The following STAB2 variants were observed in gnomAD, a reference collection of about 807,000 sequenced individuals.
STAB2 encodes stabilin-2.
Under a neutral mutation model 338.1 loss-of-function variants are expected in STAB2, and 288 were observed. The observed-to-expected ratio is 0.85, with a 90% CI of 0.77 to 0.94. The LOEUF is 0.94. Ranked by LOEUF, STAB2 falls within the 40% of genes least tolerant of loss-of-function variation. The probability of loss-of-function intolerance (pLI) is 0.00; values close to 1 mark genes in which losing one functional copy is unlikely to be tolerated. For missense variants in STAB2, 3,141 were observed against 3,210.1 expected (o/e 0.98, Z 0.52); for synonymous variants, 1,202 against 1,193.3 (o/e 1.01, Z -0.15).
intron 3 of STAB2, among the ~76,000 whole-genome samples, chr12:103,613,535 A>G (rs1170840867): frequency 6.6e-6 from 1 of 152,158 alleles, no homozygotes; most frequent in Non-Finnish European, 1.5e-5. Context: ...GACCACTGGA[A>G]AAGCGCAGTA....
At chr12:103,627,589 T>A (rs1957400054) in intron 5 of STAB2, among the ~76,000 whole-genome samples, 1 of 152,238 alleles carries the variant, frequency 6.6e-6, no homozygotes, top group African/African-American at 2.4e-5. Flanking sequence ...AAGGGCATGT[T>A]CCTGGCAGCA....
At chr12:103,756,096 G>A (rs4981022) in intron 63 of STAB2, among the ~76,000 whole-genome samples, 103,826 of 149,740 alleles carry the variant, frequency 0.69, 35,776 homozygotes, top group South Asian at 0.8. Context: ...TAAGAGCATG[G>A]TCTACACAAA....
Position 103,617,956 on chromosome 12 carries a change from C to T in STAB2, c.332-2512C>T, listed in dbSNP as rs80002447. On this transcript the variant is annotated intron_variant, in intron 3 of 68. Coordinates refer to ENST00000388887, the MANE Select transcript of STAB2 (RefSeq NM_017564.10). ...ATGCAGGAAGGAAATGGAAGGAGCC[C>T]CAGAGAAAACCATCTACAGATGGAT... 6.0e-4 allele frequency among the ~76,000 whole-genome samples: 91 copies of T among 152,228 alleles called. No homozygotes were observed. The East Asian group carries it at 0.015, about 25-fold the overall frequency.
At chr12:103,732,698 A>G (rs974081164) in intron 50 of STAB2, among the ~76,000 whole-genome samples, 2 of 152,122 alleles carry the variant, frequency 1.3e-5, no homozygotes, top group Admixed American at 6.5e-5. Context: ...CCAGCTACTC[A>G]GGAGGTTGAG....
intron 59 of STAB2, among the ~76,000 whole-genome samples, chr12:103,749,674 G>GT (rs1883417662): frequency 8.4e-6 from 1 of 119,486 alleles, no homozygotes; most frequent in Non-Finnish European, 1.8e-5. Flanking sequence ...CTAAAAAAAT[G>GT]CAAAAAAAAA....
At chr12:103,707,069 GCT>G in intron 38 of STAB2, 82 bp downstream of exon 38, 1 of 1,488,200 alleles carries the variant, frequency 6.7e-7, no homozygotes, top group South Asian at 1.3e-5. Flanking sequence ...TCCCACACGT[GCT>G]CTCTAGCTGG....
intron 35 of STAB2, among the ~76,000 whole-genome samples, chr12:103,704,050 G>A (rs983884006): frequency 2.5e-4 from 38 of 152,294 alleles, no homozygotes; most frequent in Middle Eastern, 3.4e-3. Flanking sequence ...ATCCTGTCTG[G>A]TAGGCTTAAG....
intron 1 of STAB2, among the ~76,000 whole-genome samples, chr12:103,588,417 C>T (rs1005232915): frequency 5.3e-5 from 8 of 152,068 alleles, no homozygotes; most frequent in African/African-American, 9.7e-5. Flanking sequence ...ACCCTGAGCA[C>T]GTTTTTTAAT....
In STAB2 at chr12:103,670,715, G is replaced by T. The variant is rs777659272; in HGVS notation, c.2279G>T (p.Gly760Val). ...GNGQCADSLG[G>V]NGTCICEEGF... ...TCCCAGTGTGCAGATAGCCTCGGCG[G>T]CAACGGGACATGCATTTGTGAGGAG... Residue 760 changes from glycine (G) to valine (V), a missense_variant, in exon 22 of 69, where the codon GGC becomes GTC. Coordinates refer to ENST00000388887, the MANE Select transcript of STAB2 (RefSeq NM_017564.10). The T allele has an allele frequency of 7.4e-6, 12 of 1,614,046 alleles. No homozygotes were observed. The highest frequency in any genetic ancestry group is 1.0e-5 in the Non-Finnish European group (12 of 1,179,956).
chr12:103,643,895 C>T (rs541616348), intron 9 of STAB2, among the ~76,000 whole-genome samples: 53 of 130,782 alleles, frequency 4.1e-4, no homozygotes, highest in Non-Finnish European at 6.3e-4. Flanking sequence ...TCTGCCCGGC[C>T]GCCCCTACTG....
At chr12:103,708,565 T>C (rs200179891) in intron 39 of STAB2, 29 bp downstream of exon 39, 1 of 1,605,726 alleles carries the variant, frequency 6.2e-7, no homozygotes, top group African/African-American at 1.3e-5. Context: ...GTATTTATAA[T>C]CTGCTCTAAG....
intron 23 of STAB2, among the ~76,000 whole-genome samples, chr12:103,675,515 G>C (rs1173873124): frequency 6.6e-6 from 1 of 152,248 alleles, no homozygotes; most frequent in African/African-American, 2.4e-5. Context: ...TGAGCAGGAA[G>C]AGTTATAAAA....
intron 61 of STAB2, 147 bp downstream of exon 61, chr12:103,753,500 C>T (rs191836555): frequency 4.1e-5 from 45 of 1,087,188 alleles, no homozygotes; most frequent in Middle Eastern, 2.9e-4. Context: ...GTCACCATGT[C>T]CATTTATTGG....
intron 20 of STAB2, 140 bp downstream of exon 20, chr12:103,668,869 A>G (rs1056487445): frequency 1.0e-5 from 7 of 688,494 alleles, no homozygotes; most frequent in Non-Finnish European, 1.7e-5. Flanking sequence ...TCAAAGGTAG[A>G]TTCTTCATAT....
At chr12:103,751,592 G>A (rs1417988855) in intron 60 of STAB2, among the ~76,000 whole-genome samples, 1 of 152,112 alleles carries the variant, frequency 6.6e-6, no homozygotes, top group Non-Finnish European at 1.5e-5. Context: ...AGATTTTATG[G>A]GCAGTTGCTA....
chr12:103,735,353 C>T (rs888989802), intron 51 of STAB2, 138 bp from the exon 52 acceptor site: 31 of 552,630 alleles, frequency 5.6e-5, no homozygotes, highest in Middle Eastern at 4.0e-4. Flanking sequence ...GTTATACCTA[C>T]GGTCATTTGT....
Position 103,652,714 on chromosome 12 carries a change from T to C in STAB2, c.1407+9T>C. On this transcript the variant is annotated intron_variant, in intron 12 of 68. Transcript: ENST00000388887. ...TCTTCAACAGCGATAAGGTAAGGGTTCCTCTGATTTTCACTCCCAGAACTA... is the reference window on the plus strand; with the variant it reads ...TCTTCAACAGCGATAAGGTAAGGGTCCCTCTGATTTTCACTCCCAGAACTA... 1.9e-6 allele frequency: 3 copies of C among 1,564,938 alleles called. No individual in the cohort carries two copies. The highest frequency in any genetic ancestry group is 2.6e-6 in the Non-Finnish European group (3 of 1,156,414).
At chr12:103,691,911 T>C (rs2138912999) in intron 30 of STAB2, among the ~76,000 whole-genome samples, 1 of 2,506 alleles carries the variant, frequency 4.0e-4, no homozygotes. Context: ...GGTGGCTGAG[T>C]GGGTGGGTGG....
chr12:103,649,724 T>C (rs952981444), intron 10 of STAB2, among the ~76,000 whole-genome samples: 2 of 152,134 alleles, frequency 1.3e-5, no homozygotes, highest in African/African-American at 4.8e-5. Flanking sequence ...AGGCATCCCA[T>C]AGGGCATCAA....
Sources: allele counts gnomAD v4.1 joint callset (sites outside exome capture counted in the v4.1 genomes callset), GRCh38; gene constraint gnomAD v4.1.1; transcripts MANE v1.5; gene names NCBI Gene and HGNC (gene_info 2026-07-23, HGNC 2026-07-21).